GRIP1: variants seen among roughly 807,000 people sequenced by gnomAD.
The protein encoded by GRIP1 is glutamate receptor-interacting protein 1.
GRIP1 carries 45 observed loss-of-function variants against 129.9 expected under a neutral mutation model. The ratio of observed to expected loss-of-function variants is 0.35; its 90% CI spans 0.27 to 0.44. GRIP1 has a LOEUF of 0.44. Ranked by LOEUF, GRIP1 falls within the 20% of genes least tolerant of loss-of-function variation. The probability of loss-of-function intolerance (pLI) is 1.00; values close to 1 mark genes in which losing one functional copy is unlikely to be tolerated. For missense variants in GRIP1, 1,196 were observed against 1,396.8 expected (o/e 0.86, Z 2.29); for synonymous variants, 530 against 520.8 (o/e 1.02, Z -0.24).
At chr12:66,472,055 G>A (rs1281362765) in intron 7 of GRIP1, among the ~76,000 whole-genome samples, 2 of 152,204 alleles carry the variant, frequency 1.3e-5, no homozygotes, top group Admixed American at 1.3e-4. Context: ...TAAGTGACTA[G>A]GACCAGATCC....
At chr12:66,971,065 C>A (rs926705552) in intron 1 of GRIP1, among the ~76,000 whole-genome samples, 13 of 152,136 alleles carry the variant, frequency 8.5e-5, no homozygotes, top group Non-Finnish European at 1.5e-5. Flanking sequence ...CAGACTCCTG[C>A]GCCTAGGAGT....
At chr12:66,792,449 C>T (rs1220897455) in intron 1 of GRIP1, among the ~76,000 whole-genome samples, 2 of 152,042 alleles carry the variant, frequency 1.3e-5, no homozygotes, top group African/African-American at 4.8e-5. Context: ...GTGGCTCACA[C>T]CTGTAATCAC....
intron 4 of GRIP1, among the ~76,000 whole-genome samples, chr12:66,535,748 T>C (rs1167871743): frequency 6.6e-6 from 1 of 152,244 alleles, no homozygotes; most frequent in African/African-American, 2.4e-5. Flanking sequence ...TTAGACTTTA[T>C]GTGAAGAATA....
At chr12:66,559,484 G>T (rs1008566341) in intron 2 of GRIP1, among the ~76,000 whole-genome samples, 10 of 152,062 alleles carry the variant, frequency 6.6e-5, no homozygotes, top group African/African-American at 2.2e-4. Context: ...CAGTGAAATT[G>T]CAGAATACAA....
At chr12:66,785,187 G>C (rs1174755395) in intron 1 of GRIP1, among the ~76,000 whole-genome samples, 2 of 151,518 alleles carry the variant, frequency 1.3e-5, no homozygotes, top group African/African-American at 4.9e-5. Flanking sequence ...GGCCAGGCAT[G>C]GTGGCTCATG....
At chr12:66,769,257 G>A (rs958547926) in intron 1 of GRIP1, among the ~76,000 whole-genome samples, 1 of 146,578 alleles carries the variant, frequency 6.8e-6, no homozygotes, top group African/African-American at 2.5e-5. Flanking sequence ...TAGCCTTTCT[G>A]AAAGTGTGTT....
At chr12:66,678,716 C>A in intron 1 of GRIP1, 134 bp downstream of exon 1, 1 of 792,964 alleles carries the variant, frequency 1.3e-6, no homozygotes, top group Non-Finnish European at 2.2e-6. Context: ...TGTATCTATA[C>A]ATATTTCACT....
chr12:66,587,881 T>G (rs149566797), intron 2 of GRIP1, among the ~76,000 whole-genome samples: 250 of 152,296 alleles, frequency 1.6e-3, no homozygotes, highest in Admixed American at 2.0e-3. Flanking sequence ...GTAAAGTATT[T>G]CCACCCACAT....
intron 6 of GRIP1, among the ~76,000 whole-genome samples, chr12:66,517,200 T>C (rs942975338): frequency 5.3e-5 from 8 of 152,154 alleles, no homozygotes; most frequent in African/African-American, 9.7e-5. Context: ...CCCATCATTA[T>C]AGAGTCAACT....
At chr12:66,890,350 A>G (rs1425939878) in intron 1 of GRIP1, among the ~76,000 whole-genome samples, 5 of 152,216 alleles carry the variant, frequency 3.3e-5, no homozygotes, top group African/African-American at 9.6e-5. Context: ...CCTTATGACG[A>G]TTAGAAATCT....
intron 1 of GRIP1, among the ~76,000 whole-genome samples, chr12:66,634,728 A>C (rs2140065942): frequency 6.6e-6 from 1 of 152,360 alleles, no homozygotes; most frequent in African/African-American, 2.4e-5. Flanking sequence ...TATCTAATTC[A>C]ATCCACACAT....
chr12:66,359,385 G>A (rs1285143602), intron 23 of GRIP1, among the ~76,000 whole-genome samples: 2 of 152,142 alleles, frequency 1.3e-5, no homozygotes, highest in Non-Finnish European at 2.9e-5. Flanking sequence ...TGTGATTCTT[G>A]GGTGTCTGCA....
chr12:66,910,848 A>C (rs1290541640), intron 1 of GRIP1, among the ~76,000 whole-genome samples: 1 of 152,186 alleles, frequency 6.6e-6, no homozygotes. Flanking sequence ...ATAGAATTCC[A>C]CTTAACCAGA....
At chr12:66,897,233 T>C (rs1452161122) in intron 1 of GRIP1, among the ~76,000 whole-genome samples, 1 of 152,168 alleles carries the variant, frequency 6.6e-6, no homozygotes, top group Non-Finnish European at 1.5e-5. Flanking sequence ...TCAATGCTCT[T>C]TTCATGAAAG....
At chr12:66,469,300 A>T (rs1333482144) in intron 7 of GRIP1, among the ~76,000 whole-genome samples, 1 of 152,232 alleles carries the variant, frequency 6.6e-6, no homozygotes, top group African/African-American at 2.4e-5. Context: ...CCAGTTAAGT[A>T]GCTAGCCAGA....
intron 4 of GRIP1, 77 bp from the exon 5 acceptor site, chr12:66,529,991 A>T: frequency 1.1e-6 from 1 of 882,350 alleles, no homozygotes; most frequent in Non-Finnish European, 1.9e-6. Context: ...TGTGGCATAA[A>T]ATATTACAGA....
At chr12:66,485,898 T>C (rs2059941091) in intron 7 of GRIP1, among the ~76,000 whole-genome samples, 1 of 152,142 alleles carries the variant, frequency 6.6e-6, no homozygotes, top group Non-Finnish European at 1.5e-5. Flanking sequence ...TATTCATATG[T>C]ACCACTCATG....
At chr12:66,482,503 A>G (rs1287066460) in intron 7 of GRIP1, among the ~76,000 whole-genome samples, 3 of 152,190 alleles carry the variant, frequency 2.0e-5, no homozygotes, top group Non-Finnish European at 4.4e-5. Context: ...TTAATGTTTA[A>G]TTGATCATTA....
At chr12:66,812,917 T>C (rs2136957231) in intron 1 of GRIP1, among the ~76,000 whole-genome samples, 1 of 152,264 alleles carries the variant, frequency 6.6e-6, no homozygotes, top group Non-Finnish European at 1.5e-5. Context: ...CTGATTCATT[T>C]ATTCGACAAA....
Sources: allele counts gnomAD v4.1 joint callset (sites outside exome capture counted in the v4.1 genomes callset), GRCh38; gene constraint gnomAD v4.1.1; transcripts MANE v1.5; gene names NCBI Gene and HGNC (gene_info 2026-07-23, HGNC 2026-07-21).